Variants in CERT1 observed in about 807,000 individuals in gnomAD.
CERT1 encodes ceramide transporter 1.
A neutral mutation model predicts 87.9 loss-of-function variants in CERT1; 31 were observed. That is an observed-to-expected ratio of 0.35 (90% CI 0.27 to 0.48). The LOEUF (loss-of-function observed/expected upper bound fraction) is 0.48, where lower values mean the gene tolerates loss of function less well. Ranked by LOEUF, CERT1 falls within the 20% of genes least tolerant of loss-of-function variation. The probability of loss-of-function intolerance (pLI) is 0.99; values close to 1 mark genes in which losing one functional copy is unlikely to be tolerated. For missense variants in CERT1, 487 were observed against 758.0 expected (o/e 0.64, Z 4.20); for synonymous variants, 289 against 250.9 (o/e 1.15, Z -1.44).
chr5:75,455,012 G>A (rs1764920856), intron 3 of CERT1, among the ~76,000 whole-genome samples: 1 of 152,284 alleles, frequency 6.6e-6, no homozygotes, highest in South Asian at 2.1e-4. Flanking sequence ...ACCAAAAAAA[G>A]GTCATGGTCA....
chr5:75,455,711 T>C (rs1375541841), intron 3 of CERT1, among the ~76,000 whole-genome samples: 4 of 152,194 alleles, frequency 2.6e-5, no homozygotes, highest in African/African-American at 9.7e-5. Context: ...ACTCAGATTA[T>C]ACACCACAAT....
intron 11 of CERT1, among the ~76,000 whole-genome samples, chr5:75,395,720 G>C (rs1217240630): frequency 6.6e-6 from 1 of 151,974 alleles, no homozygotes; most frequent in Non-Finnish European, 1.5e-5. Flanking sequence ...AAATTAGCTG[G>C]GTGTGATAGC....
Position 75,430,312 on chromosome 5 carries a change from G to A in CERT1, c.349-3834C>T, listed in dbSNP as rs142418266. ...ATTACACATAATTTTAAGACAAGGT[G>A]GAATCAAAGCTCTTCTCCGAGACTT... On this transcript the variant is annotated intron_variant, in intron 3 of 16. Transcript: ENST00000643780. Among the ~76,000 whole-genome samples, 31 of 152,202 alleles carry A rather than the reference G, an allele frequency of 2.0e-4. 1 individual carries two copies. In the East Asian group the frequency reaches 5.8e-3, roughly 28 times the overall value.
At chr5:75,440,800 T>C (rs1382311088) in intron 3 of CERT1, among the ~76,000 whole-genome samples, 1 of 152,068 alleles carries the variant, frequency 6.6e-6, no homozygotes. Flanking sequence ...AAATATAACA[T>C]GGTACCATAG....
At chr5:75,391,013 T>A (rs1279963297) in intron 11 of CERT1, among the ~76,000 whole-genome samples, 1 of 152,022 alleles carries the variant, frequency 6.6e-6, no homozygotes, top group Admixed American at 6.6e-5. Flanking sequence ...TGGCCCAGAC[T>A]GCAGTACAGT....
intron 9 of CERT1, chr5:75,401,093 T>A (rs888971977): frequency 1.3e-5 from 2 of 152,226 alleles, no homozygotes; most frequent in Admixed American, 1.3e-4. Flanking sequence ...TATGGATTAC[T>A]GAAGCTCTCA....
intron 3 of CERT1, among the ~76,000 whole-genome samples, chr5:75,434,514 G>T (rs1359733824): frequency 1.3e-5 from 2 of 152,008 alleles, no homozygotes; most frequent in Non-Finnish European, 2.9e-5. Context: ...AATGAGTTAG[G>T]GAGGAATATG....
At chr5:75,455,805 T>C (rs898619527) in intron 3 of CERT1, among the ~76,000 whole-genome samples, 20 of 152,272 alleles carry the variant, frequency 1.3e-4, no homozygotes, top group Non-Finnish European at 1.0e-4. Context: ...TAACACAAAA[T>C]TGAATACTCA....
Position 75,419,313 on chromosome 5 carries a change from C to G in CERT1, c.679+28G>C, listed in dbSNP as rs779338595. On this transcript the variant is annotated intron_variant, in intron 6 of 16. Coordinates refer to ENST00000643780, the MANE Select transcript of CERT1 (RefSeq NM_001379029.1). The stretch of plus-strand genomic sequence containing the variant: ...ATAACTTCTGAAAGTATATTTTATC[C>G]AGCTGAGGGGAAAAATGTATTACTT... 2.8e-6 allele frequency: 4 copies of G among 1,427,346 alleles called. No homozygotes were observed. The African/African-American group carries it at 5.7e-5, about 20-fold the overall frequency. 88.4% of individuals were successfully genotyped at this position (1,427,346 alleles called of 1,614,324 possible). A position where few individuals can be genotyped will look rare whatever the true frequency, so the allele number is the denominator to read the frequency against.
In CERT1 at chr5:75,511,487, G is replaced by A; in HGVS notation, c.-280C>T. ...TGACCCCTGCGTTGCGCCCGGCGCTGCCACCCGAACTTAGCCCCCTCGATG... is the reference window on the plus strand; with the variant it reads ...TGACCCCTGCGTTGCGCCCGGCGCTACCACCCGAACTTAGCCCCCTCGATG... On this transcript the variant is annotated 5_prime_UTR_variant, in exon 1 of 17. Transcript: ENST00000643780. 1 of 1,501,944 alleles carries A rather than the reference G, an allele frequency of 6.7e-7. No individual in the cohort carries two copies. Among genetic ancestry groups the A allele is most frequent in the Non-Finnish European group, 8.9e-7 (1 of 1,126,118 alleles). 93.0% of individuals were successfully genotyped at this position (1,501,944 alleles called of 1,614,324 possible).
downstream of CERT1, chr5:75,377,615 T>G (rs1229617992): frequency 6.6e-6 from 1 of 152,232 alleles, no homozygotes; most frequent in Non-Finnish European, 1.5e-5. Context: ...GAACAGTGTT[T>G]ATAGTATGCT....
intron 3 of CERT1, among the ~76,000 whole-genome samples, chr5:75,439,548 A>G (rs143064909): frequency 6.6e-6 from 1 of 152,184 alleles, no homozygotes; most frequent in Non-Finnish European, 1.5e-5. Context: ...CACCTAAACT[A>G]CATTGTCTCT....
intron 2 of CERT1, among the ~76,000 whole-genome samples, chr5:75,484,045 A>G (rs1766385569): frequency 6.6e-6 from 1 of 152,138 alleles, no homozygotes; most frequent in African/African-American, 2.4e-5. Flanking sequence ...CAGACAGTAT[A>G]ACATATAAAG....
intron 2 of CERT1, among the ~76,000 whole-genome samples, chr5:75,477,531 T>C (rs1766010152): frequency 6.6e-6 from 1 of 151,442 alleles, no homozygotes; most frequent in Admixed American, 6.6e-5. Flanking sequence ...TTTCTAAAAA[T>C]TTCTGGGGTT....
At chr5:75,453,896 A>C (rs552789554) in intron 3 of CERT1, among the ~76,000 whole-genome samples, 7 of 152,192 alleles carry the variant, frequency 4.6e-5, no homozygotes, top group Middle Eastern at 3.4e-3. Flanking sequence ...CAATACAAAG[A>C]ATTTATAATC....
At chr5:75,474,594 T>C (rs1388799128) in intron 2 of CERT1, among the ~76,000 whole-genome samples, 1 of 152,038 alleles carries the variant, frequency 6.6e-6, no homozygotes, top group Non-Finnish European at 1.5e-5. Context: ...GCCTGCCCAG[T>C]GGATGATAGT....
intron 8 of CERT1, among the ~76,000 whole-genome samples, chr5:75,408,144 C>T (rs1395624391): frequency 6.6e-6 from 1 of 152,068 alleles, no homozygotes; most frequent in Non-Finnish European, 1.5e-5. Flanking sequence ...CAGTCCTCCA[C>T]AAACAAGTGT....
At chr5:75,481,019 CG>C (rs1766216308) in intron 2 of CERT1, among the ~76,000 whole-genome samples, 1 of 152,116 alleles carries the variant, frequency 6.6e-6, no homozygotes, top group Non-Finnish European at 1.5e-5. Context: ...TCCTGTTGCA[CG>C]GATCAAATCA....
intron 11 of CERT1, among the ~76,000 whole-genome samples, chr5:75,397,154 C>T (rs1762289053): frequency 6.6e-6 from 1 of 152,164 alleles, no homozygotes; most frequent in Non-Finnish European, 1.5e-5. Flanking sequence ...CAGTGAATTG[C>T]TAGAGTCCAC....
Sources: gnomAD v4.1 joint callset for allele counts (sites outside exome capture counted in the v4.1 genomes callset) on GRCh38, gnomAD v4.1.1 for gene constraint, MANE v1.5 for transcripts, NCBI Gene and HGNC (gene_info 2026-07-23, HGNC 2026-07-21) for gene names.